Variants in TXNDC15 observed in about 807,000 individuals in gnomAD.
The protein encoded by TXNDC15 is thioredoxin domain containing 15.
TXNDC15 carries 24 observed loss-of-function variants against 35.0 expected under a neutral mutation model. The ratio of observed to expected loss-of-function variants is 0.68; its 90% CI spans 0.50 to 0.96. The LOEUF (loss-of-function observed/expected upper bound fraction) is 0.96. Ranked by LOEUF, TXNDC15 falls within the 40% of genes least tolerant of loss-of-function variation. TXNDC15 has a pLI of 0.00. For missense variants in TXNDC15, 385 were observed against 453.3 expected, an observed-to-expected ratio of 0.85 and a Z score of 1.37; for synonymous variants, 169 against 174.0, an observed-to-expected ratio of 0.97 and a Z score of 0.23.
rs1468669971 is a variant in TXNDC15 at position 134,887,997 on chromosome 5, G to C, written c.406G>C (p.Ala136Pro). ...AGAGAGCCTTTTCTCTCTGGATGGCGCTGGAGCACACTTCCCTGACAGAGA... is the reference window on the plus strand; with the variant it reads ...AGAGAGCCTTTTCTCTCTGGATGGCCCTGGAGCACACTTCCCTGACAGAGA... The part of the protein sequence containing the change: ...VRESLFSLDG[A>P]GAHFPDREEE... Residue 136 changes from alanine (A) to proline (P), a missense_variant, in exon 2 of 5, where the codon GCT (alanine) becomes CCT (proline). Physicochemically the swap from Ala to Pro is conservative, Grantham distance 27. Transcript: ENST00000358387. 6.2e-7 allele frequency: 1 copy of C among 1,614,232 alleles called. No individual in the cohort carries two copies. Among genetic ancestry groups the C allele is most frequent in the Admixed American group, 1.7e-5 (1 of 60,024 alleles).
At chr5:134,885,609 A>G (rs1050529486) in intron 1 of TXNDC15, among the ~76,000 whole-genome samples, 4 of 152,134 alleles carry the variant, frequency 2.6e-5, no homozygotes, top group African/African-American at 9.7e-5. Context: ...CATCTGCAGT[A>G]TTCTGTCTTG....
chr5:134,898,641 G>T (rs1427656059), intron 4 of TXNDC15, among the ~76,000 whole-genome samples: 1 of 152,186 alleles, frequency 6.6e-6, no homozygotes, highest in Non-Finnish European at 1.5e-5. Flanking sequence ...TTGTCATTTC[G>T]ATTGATGTGT....
chr5:134,879,202 A>G (rs1750094571), intron 1 of TXNDC15, among the ~76,000 whole-genome samples: 2 of 152,012 alleles, frequency 1.3e-5, no homozygotes, highest in African/African-American at 4.8e-5. Flanking sequence ...GTGCAGGGGG[A>G]TGGAGGGGAC....
At chr5:134,885,785 C>T (rs571240123) in intron 1 of TXNDC15, among the ~76,000 whole-genome samples, 1 of 152,282 alleles carries the variant, frequency 6.6e-6, no homozygotes, top group Admixed American at 6.5e-5. Flanking sequence ...GCCTGTTTCT[C>T]GGATGTCACT....
chr5:134,876,871 C>T (rs1419431713), intron 1 of TXNDC15, among the ~76,000 whole-genome samples: 1 of 151,690 alleles, frequency 6.6e-6, no homozygotes, highest in Non-Finnish European at 1.5e-5. Context: ...CTCCTGGCTT[C>T]AATACCCCTA....
At chr5:134,881,563 A>G (rs1750144879) in intron 1 of TXNDC15, among the ~76,000 whole-genome samples, 1 of 115,260 alleles carries the variant, frequency 8.7e-6, no homozygotes, top group Admixed American at 9.3e-5. Flanking sequence ...ACAGAACAAA[A>G]TGAAAAGTCT....
In TXNDC15 at chr5:134,874,499, G is replaced by T. The variant is rs762738281; in HGVS notation, c.72G>T (p.Trp24Cys). ...TCGGCTGGTGGCAAGTATTGCTGTG[G>T]GTGCTGGGACTTCCCGTCCGCGGCG... Reference protein sequence around the residue: ...RLLGWWQVLLWVLGLPVRGVE... With the variant: ...RLLGWWQVLLCVLGLPVRGVE... Residue 24 changes from tryptophan (W) to cysteine (C), a missense_variant, in exon 1 of 5, where the codon TGG becomes TGT. Physicochemically the swap from Trp to Cys is radical, Grantham distance 215. Transcript: ENST00000358387. 6.2e-7 allele frequency: 1 copy of T among 1,604,798 alleles called. No homozygotes were observed. The highest frequency in any genetic ancestry group is 8.5e-7 in the Non-Finnish European group (1 of 1,177,556).
intron 2 of TXNDC15, among the ~76,000 whole-genome samples, chr5:134,891,314 G>A (rs926300411): frequency 1.3e-5 from 2 of 152,186 alleles, no homozygotes; most frequent in Non-Finnish European, 2.9e-5. Context: ...AATAATAAGA[G>A]TTAAAAGTTG....
At chr5:134,887,095 T>A (rs1561899138) in intron 1 of TXNDC15, among the ~76,000 whole-genome samples, 1 of 152,252 alleles carries the variant, frequency 6.6e-6, no homozygotes, top group Admixed American at 6.5e-5. Context: ...AACTGGAATG[T>A]TTTTGGTTAT....
At chr5:134,882,515 G>A (rs1023487980) in intron 1 of TXNDC15, among the ~76,000 whole-genome samples, 2 of 151,776 alleles carry the variant, frequency 1.3e-5, no homozygotes, top group East Asian at 1.9e-4. Context: ...ATGTTGTAGC[G>A]AGCCGAGATC....
intron 1 of TXNDC15, among the ~76,000 whole-genome samples, chr5:134,881,041 C>T (rs1750130697): frequency 6.6e-6 from 1 of 151,370 alleles, no homozygotes; most frequent in Non-Finnish European, 1.5e-5. Context: ...TGTTCCTCCA[C>T]TCTCTTCTCT....
Position 134,874,412 on chromosome 5 carries a change from C to A in TXNDC15, c.-16C>A. On this transcript the variant is annotated 5_prime_UTR_variant, in exon 1 of 5. Coordinates refer to ENST00000358387, the MANE Select transcript of TXNDC15 (RefSeq NM_024715.4). ...GACTCGCGTAGCCGTGCGCCGATTG[C>A]CTCTCGGCCTGGGCAATGGTCCCGG... The A allele has an allele frequency of 6.3e-7, 1 of 1,587,386 alleles. No individual in the cohort carries two copies. Among genetic ancestry groups the A allele is most frequent in the Non-Finnish European group, 8.5e-7 (1 of 1,171,506 alleles).
At chr5:134,890,399 CTCTTT>C (rs1336091806) in intron 2 of TXNDC15, among the ~76,000 whole-genome samples, 4 of 148,200 alleles carry the variant, frequency 2.7e-5, no homozygotes, top group South Asian at 2.2e-4. Flanking sequence ...CTTTTCTCTT[CTCTTT>C]TCTTTTCTTT....
intron 2 of TXNDC15, among the ~76,000 whole-genome samples, chr5:134,890,176 A>G (rs1750359546): frequency 6.6e-6 from 1 of 151,644 alleles, no homozygotes; most frequent in Non-Finnish European, 1.5e-5. Context: ...GAATACAGGC[A>G]TGTGCCACCA....
At position 134,887,749 on chromosome 5, in the gene TXNDC15, A is replaced by G. The variant is rs749391066; in HGVS notation, c.158A>G (p.Gln53Arg). The G allele has an allele frequency of 3.1e-6, 5 of 1,611,908 alleles. No individual in the cohort carries two copies. Among genetic ancestry groups the G allele is most frequent in the African/African-American group, 1.3e-5 (1 of 74,898 alleles). ...WSEEQPAHPL[Q>R]VGAVYLGEEE... ...GAGGAGCAGCCTGCTCACCCTCTCC[A>G]GGTGGGGGCTGTGTACCTGGGTGAG... is the stretch of plus-strand genomic sequence containing the variant. Residue 53 changes from glutamine (Q) to arginine (R), a missense_variant, in exon 2 of 5, where the codon CAG (glutamine) becomes CGG (arginine). Transcript: ENST00000358387.
At chr5:134,883,318 A>G (rs2534728) in intron 1 of TXNDC15, among the ~76,000 whole-genome samples, 120,790 of 152,128 alleles carry the variant, frequency 0.79, 48,340 homozygotes, top group African/African-American at 0.89. Flanking sequence ...CCAGCTATTC[A>G]GGAGGCTGAG....
Position 134,899,810 on chromosome 5 carries a change from T to C in TXNDC15, c.*125T>C. 1 of 777,630 alleles carries C rather than the reference T, an allele frequency of 1.3e-6. No individual in the cohort carries two copies. Among genetic ancestry groups the C allele is most frequent in the Non-Finnish European group, 2.0e-6 (1 of 509,276 alleles). The allele number at this position is 777,630 out of a possible 1,614,324, so 48.2% of individuals were successfully genotyped here. A position where few individuals can be genotyped will look rare whatever the true frequency, so the allele number is the denominator to read the frequency against. On this transcript the variant is annotated 3_prime_UTR_variant, in exon 5 of 5. Transcript: ENST00000358387. ...AACTTCAGGCAGATTAAAAGAATCA[T>C]TTGTTGAACAACTGAATGTATAAAA... is the stretch of plus-strand genomic sequence containing the variant.
chr5:134,898,493 C>T lies in TXNDC15; in HGVS notation c.887-996C>T, dbSNP rs561943173. ...CACTGGAAATAAATAAAAATTATAA[C>T]ACACATTGCATATATATTAAATTGC... On this transcript the variant is annotated intron_variant, in intron 4 of 4. Coordinates refer to ENST00000358387, the MANE Select transcript of TXNDC15 (RefSeq NM_024715.4). 3.9e-5 allele frequency among the ~76,000 whole-genome samples: 6 copies of T among 152,290 alleles called. No individual in the cohort carries two copies. In the South Asian group the frequency reaches 1.2e-3, roughly 32 times the overall value.
At chr5:134,881,913 TC>T (rs1750155783) in intron 1 of TXNDC15, among the ~76,000 whole-genome samples, 1 of 148,390 alleles carries the variant, frequency 6.7e-6, no homozygotes, top group Non-Finnish European at 1.5e-5. Context: ...GCCCCTGACC[TC>T]CCGGACGGGG....
Sources: gnomAD v4.1 joint callset for allele counts (sites outside exome capture counted in the v4.1 genomes callset) on GRCh38, gnomAD v4.1.1 for gene constraint, MANE v1.5 for transcripts, NCBI Gene and HGNC (gene_info 2026-07-23, HGNC 2026-07-21) for gene names.